The following FRMD5 variants were observed in gnomAD, a reference collection of about 807,000 sequenced individuals.
FRMD5 encodes FERM domain-containing protein 5.
Under a neutral mutation model 69.0 loss-of-function variants are expected in FRMD5, and 20 were observed. That is an observed-to-expected ratio of 0.29 (90% confidence interval 0.20 to 0.42). FRMD5 has a LOEUF of 0.42. Among genes scored for constraint, FRMD5 ranks in the 10% least tolerant of loss-of-function variants. The pLI, the probability that FRMD5 is intolerant of heterozygous loss-of-function variation, is 1.00. For missense variants in FRMD5, 595 were observed against 708.6 expected, an observed-to-expected ratio of 0.84 and a Z score of 1.82; for synonymous variants, 271 against 260.1, an observed-to-expected ratio of 1.04 and a Z score of -0.40.
intron 1 of FRMD5, among the ~76,000 whole-genome samples, chr15:44,015,246 C>T (rs973190520): frequency 1.3e-5 from 2 of 152,062 alleles, no homozygotes; most frequent in African/African-American, 4.8e-5. Flanking sequence ...AGTGATCCTC[C>T]TGCCTCAGCT....
chr15:43,908,117 A>C (rs1401100254), intron 5 of FRMD5, among the ~76,000 whole-genome samples: 1 of 152,128 alleles, frequency 6.6e-6, no homozygotes, highest in Non-Finnish European at 1.5e-5. Flanking sequence ...AGGGGCACTC[A>C]GGAGTTCAAG....
At chr15:44,108,182 A>G (rs2076745971) in intron 1 of FRMD5, among the ~76,000 whole-genome samples, 1 of 152,220 alleles carries the variant, frequency 6.6e-6, no homozygotes, top group African/African-American at 2.4e-5. Context: ...TGCTAAACTG[A>G]AAATACTTAC....
chr15:44,148,751 T>G (rs2077398034), intron 1 of FRMD5, among the ~76,000 whole-genome samples: 1 of 152,208 alleles, frequency 6.6e-6, no homozygotes, highest in Non-Finnish European at 1.5e-5. Context: ...TAAACTATAG[T>G]ATAGCATAAA....
intron 1 of FRMD5, among the ~76,000 whole-genome samples, chr15:44,127,776 G>A (rs191054551): frequency 1.3e-5 from 2 of 152,226 alleles, no homozygotes; most frequent in Non-Finnish European, 2.9e-5. Flanking sequence ...GAAGGCTGAG[G>A]TGGGAGGGCC....
chr15:44,180,577 G>A (rs943391645), intron 1 of FRMD5, among the ~76,000 whole-genome samples: 2 of 152,190 alleles, frequency 1.3e-5, no homozygotes, highest in Admixed American at 6.5e-5. Context: ...TTGAGGTCAG[G>A]AGTTCGAGAC....
intron 1 of FRMD5, among the ~76,000 whole-genome samples, chr15:44,087,039 T>C (rs1373565137): frequency 6.6e-6 from 1 of 152,134 alleles, no homozygotes; most frequent in Non-Finnish European, 1.5e-5. Context: ...ACCAGTGTTT[T>C]TTTGTTTGTT....
chr15:43,874,670 T>C (rs567608065), intron 13 of FRMD5, among the ~76,000 whole-genome samples: 1 of 151,732 alleles, frequency 6.6e-6, no homozygotes, highest in Non-Finnish European at 1.5e-5. Context: ...GAGGCCGAGA[T>C]GGGTGGATCG....
intron 1 of FRMD5, among the ~76,000 whole-genome samples, chr15:43,963,621 G>A (rs970097327): frequency 7.9e-5 from 12 of 152,040 alleles, no homozygotes; most frequent in South Asian, 4.1e-4. Context: ...TGTTTATTGC[G>A]GCATTATTCA....
intron 1 of FRMD5, among the ~76,000 whole-genome samples, chr15:44,033,217 A>G (rs1891761801): frequency 6.6e-6 from 1 of 152,168 alleles, no homozygotes; most frequent in African/African-American, 2.4e-5. Flanking sequence ...CAAGAAGGAA[A>G]TAACAGACAC....
intron 4 of FRMD5, among the ~76,000 whole-genome samples, chr15:43,911,365 G>T (rs1034810494): frequency 2.6e-5 from 4 of 152,140 alleles, no homozygotes; most frequent in African/African-American, 4.8e-5. Context: ...CTTGCCCTTG[G>T]ATCACTCATT....
intron 1 of FRMD5, among the ~76,000 whole-genome samples, chr15:43,972,492 C>A (rs1201833631): frequency 1.3e-5 from 2 of 151,912 alleles, no homozygotes; most frequent in Non-Finnish European, 1.5e-5. Context: ...ATAAGAAAAC[C>A]TTTCTATATC....
At chr15:43,902,108 G>T (rs2089059477) in intron 7 of FRMD5, 67 bp downstream of exon 7, 1 of 1,150,500 alleles carries the variant, frequency 8.7e-7, no homozygotes, top group Non-Finnish European at 1.3e-6. Context: ...CGCAGGCATG[G>T]GGGCTCTTGC....
chr15:44,184,486 C>G (rs1006244763), intron 1 of FRMD5, among the ~76,000 whole-genome samples: 11 of 152,144 alleles, frequency 7.2e-5, no homozygotes, highest in Non-Finnish European at 1.6e-4. Context: ...TTAAAGTACA[C>G]ATATCACATT....
rs12909382 is a variant in FRMD5 at position 44,122,901 on chromosome 15, T to A, written c.102+72052A>T. On this transcript the variant is annotated intron_variant, in intron 1 of 13. Transcript: ENST00000417257. Reference sequence around the variant, plus strand: ...GCAAGACTCTGTATCAAAAAAAATTTAAAAAAAAAGATAAAACCTCTAATT... The same window carrying A: ...GCAAGACTCTGTATCAAAAAAAATTAAAAAAAAAAGATAAAACCTCTAATT... 8.6e-3 allele frequency among the ~76,000 whole-genome samples: 1,283 copies of A among 149,420 alleles called. 20 individuals carry two copies. Among genetic ancestry groups the A allele is most frequent in the African/African-American group, 0.029 (1,194 of 40,852 alleles).
At chr15:43,961,734 G>A (rs1028885056) in intron 1 of FRMD5, among the ~76,000 whole-genome samples, 45 of 152,334 alleles carry the variant, frequency 3.0e-4, no homozygotes, top group Admixed American at 5.2e-4. Context: ...TCCCTGGGAT[G>A]CAAGGCTGGT....
At chr15:44,141,179 C>T (rs2217108) in intron 1 of FRMD5, among the ~76,000 whole-genome samples, 136,272 of 152,152 alleles carry the variant, frequency 0.9, 61,470 homozygotes, top group East Asian at 1. Flanking sequence ...TGTTCACAAA[C>T]ATGAATACTT....
intron 1 of FRMD5, among the ~76,000 whole-genome samples, chr15:43,984,596 C>T (rs1889294000): frequency 6.6e-6 from 1 of 152,164 alleles, no homozygotes; most frequent in Admixed American, 6.5e-5. Flanking sequence ...TGCACAGATT[C>T]ACACAGAAAA....
Position 44,194,951 on chromosome 15 carries a change from A to AC in FRMD5, c.102+1dup, listed in dbSNP as rs1273840225. ...GGCGGGGCGGGGCGGCGCGGCGCTG[A>AC]CCTGGATGGTGCAGGTGTACTCGCT... On this transcript the variant is annotated splice_donor_variant, in intron 1 of 13. Transcript: ENST00000417257. LOFTEE classifies it high-confidence loss of function. 1.3e-6 allele frequency: 2 copies of AC among 1,523,896 alleles called. No homozygotes were observed. The highest frequency in any genetic ancestry group is 1.8e-6 in the Non-Finnish European group (2 of 1,138,950). The allele number at this position is 1,523,896 out of a possible 1,614,324, so 94.4% of individuals were successfully genotyped here. A position where few individuals can be genotyped will look rare whatever the true frequency, so the allele number is the denominator to read the frequency against.
In FRMD5 at chr15:44,125,303, TTAA is replaced by T. The variant is rs765089281; in HGVS notation, c.102+69647_102+69649del. Among the ~76,000 whole-genome samples the T allele has an allele frequency of 9.9e-5, 15 of 151,630 alleles. 1 individual carries two copies. Among genetic ancestry groups the T allele is most frequent in the African/African-American group, 3.6e-4 (15 of 41,374 alleles). On this transcript the variant is annotated intron_variant, in intron 1 of 13. Coordinates refer to ENST00000417257, the MANE Select transcript of FRMD5 (RefSeq NM_032892.5). Reference sequence around the variant, plus strand: ...GGCAACAGGGTGAGACCCCCATCTCTTAATAATAATAATAATAATAATTTACTA... The same window carrying T: ...GGCAACAGGGTGAGACCCCCATCTCTTAATAATAATAATAATAATTTACTA...
Sources: allele counts gnomAD v4.1 joint callset (sites outside exome capture counted in the v4.1 genomes callset), GRCh38; gene constraint gnomAD v4.1.1; transcripts MANE v1.5; gene names NCBI Gene and HGNC (gene_info 2026-07-23, HGNC 2026-07-21).